Variants in WDR90 observed in about 807,000 individuals in gnomAD.
The protein encoded by WDR90 is WD repeat-containing protein 90.
A neutral mutation model predicts 195.2 loss-of-function variants in WDR90; 238 were observed. The ratio of observed to expected loss-of-function variants is 1.22; its 90% CI spans 1.10 to 1.36. WDR90 has a LOEUF of 1.36. WDR90 is among the 40% of genes most tolerant of loss of function. The probability of loss-of-function intolerance (pLI) is 0.00; values close to 1 mark genes in which losing one functional copy is unlikely to be tolerated. For missense variants in WDR90, 2,734 were observed against 2,439.5 expected, an observed-to-expected ratio of 1.12 and a Z score of -2.54; for synonymous variants, 1,265 against 1,052.4, an observed-to-expected ratio of 1.20 and a Z score of -3.91.
At position 661,061 on chromosome 16, in the gene WDR90, C is replaced by T. The variant is rs751479235; in HGVS notation, c.3402C>T (p.Ala1134=). ...MVWRPDTGFF[A]YTCGRLVVVE... The stretch of plus-strand genomic sequence containing the variant: ...CCTCTCTGCGCACAGGCTTCTTTGC[C>T]TACACGTGCGGCCGCCTGGTGGTGG... The change falls in exon 29 of 41, where the codon GCC becomes GCT. Residue 1134 remains alanine (A), a synonymous_variant. Transcript: ENST00000293879. The T allele has an allele frequency of 2.1e-6, 3 of 1,439,132 alleles. No homozygotes were observed. In the South Asian group the frequency reaches 3.7e-5, roughly 18 times the overall value. 89.1% of individuals were successfully genotyped at this position (1,439,132 alleles called of 1,614,324 possible). A position where few individuals can be genotyped will look rare whatever the true frequency, so the allele number is the denominator to read the frequency against.
chr16:649,142 C>T (rs940831622), upstream of WDR90: 97 of 376,382 alleles, frequency 2.6e-4, no homozygotes, highest in African/African-American at 1.7e-3. Flanking sequence ...GATCCGCAAC[C>T]GGCGCGGGCT....
rs1306118596 is a variant in WDR90, at chr16:662,259, G to A, written c.4073G>A (p.Ser1358Asn). The part of the protein sequence containing the change: ...LFSGSRLVSG[S>N]STGRLRLWAV... ...TCGGGTTCTCGATTGGTCAGCGGCA[G>A]CAGCACGGGGCGGCTGCGCCTGTGG... Residue 1358 changes from serine (S) to asparagine (N), a missense_variant, in exon 33 of 41, where the codon AGC (serine) becomes AAC (asparagine). Physicochemically the swap from Ser to Asn is conservative, Grantham distance 46 (BLOSUM62 1). Transcript: ENST00000293879. 1 of 1,584,792 alleles carries A rather than the reference G, an allele frequency of 6.3e-7. No homozygotes were observed. The highest frequency in any genetic ancestry group is 8.6e-7 in the Non-Finnish European group (1 of 1,166,692).
chr16:667,661 G>C lies in WDR90; in HGVS notation c.*72G>C. 1 of 1,586,332 alleles carries C rather than the reference G, an allele frequency of 6.3e-7. No homozygotes were observed. The highest frequency in any genetic ancestry group is 8.5e-7 in the Non-Finnish European group (1 of 1,173,198). ...GGCACCTGGACACAGGCTTGGCAGA[G>C]GCGCCAGGTTGTCAATGGCCTCATG... On this transcript the variant is annotated 3_prime_UTR_variant, in exon 41 of 41. Coordinates refer to ENST00000293879, the MANE Select transcript of WDR90 (RefSeq NM_145294.5).
chr16:656,405 G>C lies in WDR90; in HGVS notation c.2070G>C (p.Arg690=), dbSNP rs1393491921. The C allele has an allele frequency of 6.2e-7, 1 of 1,607,878 alleles. No homozygotes were observed. Among genetic ancestry groups the C allele is most frequent in the Non-Finnish European group, 8.5e-7 (1 of 1,179,236 alleles). The change falls in exon 18 of 41, where the codon CGG becomes CGC. Residue 690 remains arginine, a synonymous_variant. Transcript: ENST00000293879. ...GHLGFLDTLS[R]VYHMLARSHT... is the part of the protein sequence containing the mutation. Reference sequence around the variant, plus strand: ...TGGGCTTCCTGGACACGCTGTCCCGGGTGTACCACATGCTGGCTCGCTCCC... The same window carrying C: ...TGGGCTTCCTGGACACGCTGTCCCGCGTGTACCACATGCTGGCTCGCTCCC...
rs946195704 is a variant in WDR90, at chr16:660,608, G to C, written c.3289-4G>C. On this transcript the variant is annotated splice_region_variant and splice_polypyrimidine_tract_variant and intron_variant, in intron 27 of 40. Transcript: ENST00000293879. ...CAGCAGCATCCGGGTCTCCTTCCTC[G>C]CAGGGCACTTGCCCGCCTCCCGCCA... The C allele has an allele frequency of 1.3e-6, 2 of 1,561,374 alleles. No homozygotes were observed. The highest frequency in any genetic ancestry group is 1.7e-6 in the Non-Finnish European group (2 of 1,153,424).
At chr16:662,166 C>T in intron 32 of WDR90, 54 bp from the exon 33 acceptor site, 1 of 1,520,882 alleles carries the variant, frequency 6.6e-7, no homozygotes, top group Non-Finnish European at 8.8e-7. Context: ...AGCCTTGTGA[C>T]CCAGGGCCTC....
chr16:666,650 C>G (rs772771379), intron 38 of WDR90, 23 bp from the exon 39 acceptor site: 1 of 1,611,728 alleles, frequency 6.2e-7, no homozygotes, highest in Non-Finnish European at 8.5e-7. Flanking sequence ...TCCACCCCAC[C>G]GCAGCATGCT....
intron 20 of WDR90, 94 bp downstream of exon 20, chr16:657,315 C>G: frequency 6.9e-7 from 1 of 1,439,946 alleles, no homozygotes; most frequent in Non-Finnish European, 9.1e-7. Flanking sequence ...TGCCGGTTTC[C>G]TGGTGCACCG....
At position 651,007 on chromosome 16, in the gene WDR90, C is replaced by T. The variant is rs2037635071; in HGVS notation, c.572C>T (p.Ala191Val). 6.2e-7 allele frequency: 1 copy of T among 1,613,090 alleles called. No homozygotes were observed. Among genetic ancestry groups the T allele is most frequent in the South Asian group, 1.1e-5 (1 of 91,088 alleles). Residue 191 changes from alanine to valine, a missense_variant, in exon 6 of 41, where the codon GCC becomes GTC. Coordinates refer to ENST00000293879, the MANE Select transcript of WDR90 (RefSeq NM_145294.5). ...CTGCTCCTTGTAGCCATCTCTGGGGCCCAGTGGGCAAAGCTGCCCGTGACT... is the reference window on the plus strand; with the variant it reads ...CTGCTCCTTGTAGCCATCTCTGGGGTCCAGTGGGCAAAGCTGCCCGTGACT... Reference protein sequence around the residue: ...DLCFEPAISGAQWAKLPVTPM... With the variant: ...DLCFEPAISGVQWAKLPVTPM...
In WDR90 at chr16:652,483, C is replaced by T; in HGVS notation, c.1070C>T (p.Pro357Leu). Reference sequence around the variant, plus strand: ...CTGTTTCAGGGCTTCCTCCCAGACCCAGTCCTGAGGCTCAAGGGCGTCATC... The same window carrying T: ...CTGTTTCAGGGCTTCCTCCCAGACCTAGTCCTGAGGCTCAAGGGCGTCATC... ...TGSCEGFLPD[P>L]VLRLKGVIGF... Residue 357 changes from proline to leucine, a missense_variant, in exon 10 of 41, where the codon CCA (proline) becomes CTA (leucine). Transcript: ENST00000293879. 6.2e-7 allele frequency: 1 copy of T among 1,609,876 alleles called. No homozygotes were observed. The highest frequency in any genetic ancestry group is 1.1e-5 in the South Asian group (1 of 90,734).
At position 656,356 on chromosome 16, in the gene WDR90, T is replaced by C. The variant is rs1236613757; in HGVS notation, c.2021T>C (p.Leu674Pro). Residue 674 changes from leucine to proline, a missense_variant, in exon 18 of 41, where the codon CTG (leucine) becomes CCG (proline). Transcript: ENST00000293879. The part of the protein sequence containing the change: ...VCVSPDGLRV[L>P]SATSSGHLGF... The stretch of plus-strand genomic sequence containing the variant: ...GTCAGCCCCGATGGCCTCCGTGTGC[T>C]GTCTGCCACCTCCTCGGGCCACCTG... 1 of 1,609,570 alleles carries C rather than the reference T, an allele frequency of 6.2e-7. No homozygotes were observed. The highest frequency in any genetic ancestry group is 1.3e-5 in the African/African-American group (1 of 74,834).
Position 651,566 on chromosome 16 carries a change from G to A in WDR90, c.737-78G>A. The A allele has an allele frequency of 3.5e-6, 5 of 1,422,562 alleles. No homozygotes were observed. In the South Asian group the frequency reaches 4.9e-5, roughly 14 times the overall value. 88.1% of individuals were successfully genotyped at this position (1,422,562 alleles called of 1,614,324 possible). A position where few individuals can be genotyped will look rare whatever the true frequency, so the allele number is the denominator to read the frequency against. ...CGGTGAGGCTGGGCCACTTGCTGCT[G>A]CCCTCCCCAGGCGTCACCCTCACCA... is the stretch of plus-strand genomic sequence containing the variant. On this transcript the variant is annotated intron_variant, in intron 7 of 40. Coordinates refer to ENST00000293879, the MANE Select transcript of WDR90 (RefSeq NM_145294.5).
rs761582798 is a variant in WDR90 at position 653,719 on chromosome 16, CAATG to C, written c.1380-25_1380-22del. On this transcript the variant is annotated intron_variant, in intron 12 of 40. Transcript: ENST00000293879. ...AGGGGGAGGGGGTCAGCCCAGGCGA[CAATG>C]ACCACCTCCTCCCTGTTCACAGCTT... The C allele has an allele frequency of 1.8e-5, 29 of 1,613,326 alleles. No individual in the cohort carries two copies. In the African/African-American group the frequency reaches 3.3e-4, roughly 19 times the overall value.
Position 655,844 on chromosome 16 carries a change from T to C in WDR90, c.1921T>C (p.Leu641=), listed in dbSNP as rs8051645. 684,442 of 1,597,340 alleles carry C rather than the reference T, an allele frequency of 0.43. 165,120 individuals are homozygous for C. Among genetic ancestry groups the C allele is most frequent in the East Asian group, 0.97 (43,171 of 44,284 alleles). The part of the protein sequence containing the change: ...MCAVGSEDGF[L]RLWPLDFSSV... ...TGCTGTGGGCTCTGAGGACGGCTTC[T>C]TGCGGCTCTGGCCCCTGGACTTCTC... Residue 641 remains leucine (L), a synonymous_variant, in exon 17 of 41, where the codon TTG becomes CTG. Transcript: ENST00000293879.
Position 667,594 on chromosome 16 carries a change from C to T in WDR90, c.*5C>T, listed in dbSNP as rs371480050. 3 of 1,606,066 alleles carry T rather than the reference C, an allele frequency of 1.9e-6. No individual in the cohort carries two copies. Among genetic ancestry groups the T allele is most frequent in the Non-Finnish European group, 2.5e-6 (3 of 1,179,928 alleles). On this transcript the variant is annotated 3_prime_UTR_variant, in exon 41 of 41. Coordinates refer to ENST00000293879, the MANE Select transcript of WDR90 (RefSeq NM_145294.5). ...TGGGAGGTCCCCGGCCTCTGAGATG[C>T]AGCAGGGACTGTGGTGGTGGGCATC...
intron 27 of WDR90, 142 bp from the exon 28 acceptor site, chr16:660,470 T>A (rs2037871925): frequency 3.5e-6 from 3 of 847,232 alleles, no homozygotes; most frequent in Non-Finnish European, 5.5e-6. Flanking sequence ...CTCCCACACC[T>A]CCTACCCCAG....
rs190187388 is a variant in WDR90, at chr16:651,185, C to T, written c.669-14C>T. On this transcript the variant is annotated splice_polypyrimidine_tract_variant and intron_variant, in intron 6 of 40. Coordinates refer to ENST00000293879, the MANE Select transcript of WDR90 (RefSeq NM_145294.5). ...TTGGGCCCCCAGACACTGACTCTCC[C>T]TCTGCCTGCCAAGGTTTCCAAGTGA... 5.0e-6 allele frequency: 8 copies of T among 1,613,098 alleles called. No homozygotes were observed. In the African/African-American group the frequency reaches 5.3e-5, roughly 11 times the overall value.
In WDR90 at chr16:658,902, A is replaced by G. The variant is rs2037823323; in HGVS notation, c.2902A>G (p.Ile968Val). Residue 968 changes from isoleucine to valine, a missense_variant, in exon 24 of 41, where the codon ATC becomes GTC. Transcript: ENST00000293879. ...GTGACGCCGCTACCCCTAGGTGTAC[A>G]TCGGCCACTCGGAACCCGTGCAGGC... is the stretch of plus-strand genomic sequence containing the variant. ...TQASPGPQVY[I>V]GHSEPVQAVA... 2.5e-6 allele frequency: 4 copies of G among 1,611,836 alleles called. No individual in the cohort carries two copies. Among genetic ancestry groups the G allele is most frequent in the African/African-American group, 1.3e-5 (1 of 74,916 alleles).
intron 13 of WDR90, chr16:654,668 T>C: frequency 3.6e-6 from 1 of 274,826 alleles, no homozygotes. Context: ...CAGGCTGGTC[T>C]CAAACTCCAG....
Sources: gnomAD v4.1 joint callset for allele counts on GRCh38, gnomAD v4.1.1 for gene constraint, MANE v1.5 for transcripts, NCBI Gene and HGNC (gene_info 2026-07-23, HGNC 2026-07-21) for gene names.